Variants in BLACAT1 observed in about 807,000 individuals in gnomAD.
The protein encoded by BLACAT1 is BLACAT1 overlapping LEMD1 locus.
intron 1 of BLACAT1, among the ~76,000 whole-genome samples, chr1:205,455,287 A>T (rs1388880968): frequency 6.6e-6 from 1 of 152,156 alleles, no homozygotes; most frequent in Non-Finnish European, 1.5e-5. Flanking sequence ...CACAATGGCT[A>T]GGAAGGACTC....
At chr1:205,452,950 C>A (rs1666515719) in intron 1 of BLACAT1, among the ~76,000 whole-genome samples, 1 of 152,206 alleles carries the variant, frequency 6.6e-6, no homozygotes, top group Non-Finnish European at 1.5e-5. Flanking sequence ...TCTAAGCTCT[C>A]CTGTATTTCA....
At chr1:205,445,084 TAGG>T (rs925325563) in intron 1 of BLACAT1, among the ~76,000 whole-genome samples, 7 of 152,180 alleles carry the variant, frequency 4.6e-5, no homozygotes, top group African/African-American at 1.7e-4. Flanking sequence ...AGCTGCGGCT[TAGG>T]AGACCGGATT....
At chr1:205,435,499 A>G (rs60464141), downstream of BLACAT1, 1 of 152,366 alleles carries the variant, frequency 6.6e-6, no homozygotes, top group East Asian at 1.9e-4. Flanking sequence ...AAGACTGGAC[A>G]AAGACATGAA....
At position 205,450,946 on chromosome 1, in the gene BLACAT1, G is replaced by A. The variant is rs952471404; in HGVS notation, c.-37+4971C>T. 9.9e-5 allele frequency among the ~76,000 whole-genome samples: 15 copies of A among 152,242 alleles called. No homozygotes were observed. The highest frequency in any genetic ancestry group is 7.8e-4 in the Admixed American group (12 of 15,290). ...CTGGGCAGTGAAAGGCCACTGCTGG[G>A]CGAGAACCTCGAGGACTCCCTCTCC... is the stretch of plus-strand genomic sequence containing the variant. On this transcript the variant is annotated intron_variant, in intron 1 of 1. Transcript: ENST00000629624. The surrounding 1 kb of genome is among the most constrained non-coding windows in gnomAD (Gnocchi z 4.4).
rs1002142349 is a variant in BLACAT1, at chr1:205,441,526, G to A, written c.-36-464C>T. Among the ~76,000 whole-genome samples the A allele has an allele frequency of 3.9e-5, 6 of 152,096 alleles. No individual in the cohort carries two copies. Among genetic ancestry groups the A allele is most frequent in the African/African-American group, 1.2e-4 (5 of 41,416 alleles). On this transcript the variant is annotated intron_variant, in intron 1 of 1. Transcript: ENST00000629624. The surrounding 1 kb of genome is among the most constrained non-coding windows in gnomAD (Gnocchi z 4.3). ...GACAGGCCCTCCTCCATCCAAATGC[G>A]GACCCCTTCATCCAGTGTAGCTTTA... is the stretch of plus-strand genomic sequence containing the variant.
rs531016410 is a variant in BLACAT1 at position 205,441,308 on chromosome 1, G to A, written c.-36-246C>T. On this transcript the variant is annotated intron_variant, in intron 1 of 1. Coordinates refer to ENST00000629624, the Ensembl canonical transcript of BLACAT1. The surrounding 1 kb of genome is among the most constrained non-coding windows in gnomAD (Gnocchi z 4.3). The stretch of plus-strand genomic sequence containing the variant: ...ATTCCTCACATTGGAGACAGGGTGA[G>A]TCCAAGGGAGGAAAGAGAATGCCCA... 6.6e-6 allele frequency among the ~76,000 whole-genome samples: 1 copy of A among 152,316 alleles called. No homozygotes were observed. The highest frequency in any genetic ancestry group is 6.5e-5 in the Admixed American group (1 of 15,310).
At chr1:205,452,344 G>C (rs892314490) in intron 1 of BLACAT1, among the ~76,000 whole-genome samples, 3 of 152,168 alleles carry the variant, frequency 2.0e-5, no homozygotes, top group African/African-American at 7.2e-5. Context: ...GCCAGGAGGA[G>C]AACTCCTTTG....
chr1:205,447,850 G>GAGGAA (rs1666429944), intron 1 of BLACAT1, among the ~76,000 whole-genome samples: 1 of 152,154 alleles, frequency 6.6e-6, no homozygotes, highest in South Asian at 2.1e-4. Flanking sequence ...AAAGAGCCCA[G>GAGGAA]AGGTCTCCTT....
chr1:205,437,010 T>A (rs1224927910), downstream of BLACAT1: 1 of 152,414 alleles, frequency 6.6e-6, no homozygotes, highest in East Asian at 1.9e-4. Flanking sequence ...CAGGAGTCAG[T>A]CATGGCAGAA....
chr1:205,451,140 C>T (rs1026790359), intron 1 of BLACAT1, among the ~76,000 whole-genome samples: 3 of 152,216 alleles, frequency 2.0e-5, no homozygotes, highest in African/African-American at 7.2e-5. Flanking sequence ...TCTTTAGCTT[C>T]CCCTGGCTCT....
intron 1 of BLACAT1, among the ~76,000 whole-genome samples, chr1:205,444,111 T>C (rs996866767): frequency 3.3e-5 from 5 of 152,088 alleles, no homozygotes; most frequent in African/African-American, 1.2e-4. Context: ...GAGCTCATCA[T>C]GGGAACTCCC....
intron 1 of BLACAT1, among the ~76,000 whole-genome samples, chr1:205,443,066 T>C (rs1446297920): frequency 6.6e-6 from 1 of 152,194 alleles, no homozygotes; most frequent in Non-Finnish European, 1.5e-5. Context: ...GGCAGGTGGA[T>C]TCCCGTGTAA....
At chr1:205,440,436 C>T (rs935173696) in exon 2 of BLACAT1, among the ~76,000 whole-genome samples, 3 of 152,170 alleles carry the variant, frequency 2.0e-5, no homozygotes, top group Non-Finnish European at 4.4e-5. Flanking sequence ...GTCCTGGAAT[C>T]CCAGGAGAGT....
At chr1:205,445,156 G>C (rs1263729594) in intron 1 of BLACAT1, among the ~76,000 whole-genome samples, 1 of 152,066 alleles carries the variant, frequency 6.6e-6, no homozygotes, top group Non-Finnish European at 1.5e-5. Flanking sequence ...AAAAACGAAG[G>C]GGGTGAATTG....
intron 1 of BLACAT1, among the ~76,000 whole-genome samples, chr1:205,454,586 G>A (rs1008660869): frequency 6.6e-6 from 1 of 152,006 alleles, no homozygotes; most frequent in Non-Finnish European, 1.5e-5. Context: ...TCCTGCCTCT[G>A]TGGCAGCCCC....
chr1:205,445,828 C>G (rs1055088946), intron 1 of BLACAT1, among the ~76,000 whole-genome samples: 2 of 152,172 alleles, frequency 1.3e-5, no homozygotes, highest in Admixed American at 6.5e-5. Context: ...AAAGGTCAAA[C>G]TTTAGTGTCA....
In BLACAT1 at chr1:205,448,277, T is replaced by C. The variant is rs1168009378; in HGVS notation, c.-36-7215A>G. The C allele has an allele frequency of 1.9e-6, 1 of 518,110 alleles. No homozygotes were observed. Among genetic ancestry groups the C allele is most frequent in the East Asian group, 5.6e-5 (1 of 17,844 alleles). 32.1% of individuals were successfully genotyped at this position (518,110 alleles called of 1,614,324 possible). A position where few individuals can be genotyped will look rare whatever the true frequency, so the allele number is the denominator to read the frequency against. On this transcript the variant is annotated intron_variant, in intron 1 of 1. Coordinates refer to ENST00000629624, the Ensembl canonical transcript of BLACAT1. The surrounding 1 kb of genome is among the most constrained non-coding windows in gnomAD (Gnocchi z 4.7). ...GTGGCTGGCTCCGAACCTGGTCCCA[T>C]GGGAGGTGCAGCTGCGCAGGAGAAG...
rs1666443586 is a variant in BLACAT1, at chr1:205,448,599, C to A, written c.-37+7318G>T. Among the ~76,000 whole-genome samples, 1 of 152,114 alleles carries A rather than the reference C, an allele frequency of 6.6e-6. No homozygotes were observed. Among genetic ancestry groups the A allele is most frequent in the Non-Finnish European group, 1.5e-5 (1 of 68,022 alleles). ...CCAGTAATGAGTTTCCAGTTCTTGC[C>A]CTACAAAGGCCTCACACAATGGTCC... On this transcript the variant is annotated intron_variant, in intron 1 of 1. Coordinates refer to ENST00000629624, the Ensembl canonical transcript of BLACAT1. The surrounding 1 kb of genome is among the most constrained non-coding windows in gnomAD (Gnocchi z 4.7).
intron 1 of BLACAT1, among the ~76,000 whole-genome samples, chr1:205,451,533 C>A (rs1666497409): frequency 6.6e-6 from 1 of 151,918 alleles, no homozygotes; most frequent in African/African-American, 2.4e-5. Flanking sequence ...CTGGGCCCTG[C>A]CGCCTGTGGC....
Sources: allele counts gnomAD v4.1 joint callset (sites outside exome capture counted in the v4.1 genomes callset), GRCh38; gene constraint gnomAD v4.1.1; non-coding constraint Gnocchi (gnomAD v3.1); transcripts MANE v1.5; gene names NCBI Gene and HGNC (gene_info 2026-07-23, HGNC 2026-07-21).